RNF144A: variants seen among roughly 807,000 people sequenced by gnomAD.
RNF144A encodes the protein E3 ubiquitin-protein ligase RNF144A.
A neutral mutation model predicts 38.7 loss-of-function variants in RNF144A; 11 were observed. The observed-to-expected ratio is 0.28, with a 90% CI of 0.18 to 0.47. RNF144A has a LOEUF of 0.47. Among genes scored for constraint, RNF144A ranks in the 20% least tolerant of loss-of-function variants. The pLI, the probability that RNF144A is intolerant of heterozygous loss-of-function variation, is 0.99. For missense variants in RNF144A, 316 were observed against 377.2 expected, an observed-to-expected ratio of 0.84 and a Z score of 1.34; for synonymous variants, 149 against 143.9, an observed-to-expected ratio of 1.04 and a Z score of -0.25.
chr2:7,018,754 AG>A (rs1247035222), intron 5 of RNF144A, among the ~76,000 whole-genome samples: 1 of 152,246 alleles, frequency 6.6e-6, no homozygotes, highest in East Asian at 1.9e-4. Flanking sequence ...TGGGGATTTT[AG>A]ATTATTATAA....
intron 2 of RNF144A, among the ~76,000 whole-genome samples, chr2:6,956,719 A>G (rs919127188): frequency 6.6e-6 from 1 of 152,142 alleles, no homozygotes; most frequent in Non-Finnish European, 1.5e-5. Flanking sequence ...GCTCAGCTTC[A>G]ATGTGAGAAC....
intron 8 of RNF144A, among the ~76,000 whole-genome samples, chr2:7,033,725 A>G (rs1014258970): frequency 6.6e-6 from 1 of 152,204 alleles, no homozygotes; most frequent in Non-Finnish European, 1.5e-5. Flanking sequence ...CACTCTGGTC[A>G]TAGCCCAGTG....
chr2:6,946,768 TAAAC>T (rs1020961377), intron 2 of RNF144A, among the ~76,000 whole-genome samples: 5 of 152,164 alleles, frequency 3.3e-5, no homozygotes, highest in African/African-American at 1.2e-4. Context: ...TATATTGACT[TAAAC>T]AAAGTGCCTC....
intron 1 of RNF144A, among the ~76,000 whole-genome samples, chr2:6,924,954 G>A (rs964855718): frequency 1.3e-5 from 2 of 152,226 alleles, no homozygotes; most frequent in African/African-American, 4.8e-5. Context: ...TGGGCTTCCA[G>A]AGACCTTGGG....
chr2:7,028,732 G>C (rs1462078347), intron 7 of RNF144A, among the ~76,000 whole-genome samples: 1 of 152,220 alleles, frequency 6.6e-6, no homozygotes, highest in African/African-American at 2.4e-5. Flanking sequence ...AGAGCTCACA[G>C]TGATGGAAGT....
chr2:6,921,324 C>T (rs181873443), intron 1 of RNF144A, among the ~76,000 whole-genome samples: 4 of 152,342 alleles, frequency 2.6e-5, no homozygotes, highest in South Asian at 2.1e-4. Flanking sequence ...CAAAAGCAAG[C>T]TCCTTGGTGG....
In RNF144A at chr2:6,917,871, TCCTGC is replaced by T. The variant is rs1382298844; in HGVS notation, c.-212+261_-212+265del. 2.6e-5 allele frequency among the ~76,000 whole-genome samples: 4 copies of T among 151,010 alleles called. No homozygotes were observed. The highest frequency in any genetic ancestry group is 4.4e-5 in the Non-Finnish European group (3 of 67,658). Reference sequence around the variant, plus strand: ...GTCCCTGACCTCGTCCCTGCTCTGCTCCTGCCCTGCCCTGCCTCTCGCAGGCGGCG... The same window carrying T: ...GTCCCTGACCTCGTCCCTGCTCTGCTCCTGCCCTGCCTCTCGCAGGCGGCG... On this transcript the variant is annotated intron_variant, in intron 1 of 8. Coordinates refer to ENST00000320892, the MANE Select transcript of RNF144A (RefSeq NM_014746.6). This position sits in a 1 kb window ranked among gnomAD's most constrained non-coding sequence, Gnocchi z 4.8.
intron 1 of RNF144A, among the ~76,000 whole-genome samples, chr2:6,926,666 C>T (rs971006249): frequency 6.6e-6 from 1 of 152,226 alleles, no homozygotes; most frequent in African/African-American, 2.4e-5. Flanking sequence ...ACTCGGCACA[C>T]AGGCTTCTCA....
At chr2:6,945,523 G>A (rs575234427) in intron 2 of RNF144A, among the ~76,000 whole-genome samples, 1 of 152,172 alleles carries the variant, frequency 6.6e-6, no homozygotes, top group Admixed American at 6.5e-5. Context: ...TGCCAAATTG[G>A]AGGGAGACGG....
intron 3 of RNF144A, among the ~76,000 whole-genome samples, chr2:7,009,838 C>T (rs1324227760): frequency 6.6e-6 from 1 of 152,152 alleles, no homozygotes; most frequent in South Asian, 2.1e-4. Flanking sequence ...GTGTAGCTAG[C>T]ACACCTCTGT....
At chr2:6,930,258 G>C (rs1665118120) in intron 1 of RNF144A, among the ~76,000 whole-genome samples, 1 of 152,168 alleles carries the variant, frequency 6.6e-6, no homozygotes, top group African/African-American at 2.4e-5. Context: ...ATATTATTAA[G>C]TGAAAACAAT....
intron 1 of RNF144A, among the ~76,000 whole-genome samples, chr2:6,930,292 G>C (rs1665119875): frequency 6.6e-6 from 1 of 152,198 alleles, no homozygotes; most frequent in South Asian, 2.1e-4. Context: ...TGTGCAGTTT[G>C]ATGTACAAAC....
intron 6 of RNF144A, among the ~76,000 whole-genome samples, chr2:7,023,704 C>T (rs111491685): frequency 1.2e-4 from 18 of 152,216 alleles, no homozygotes; most frequent in South Asian, 2.1e-4. Context: ...CTGCACCCTG[C>T]GCTGTGCTCT....
At position 7,039,757 on chromosome 2, in the gene RNF144A, C is replaced by T; in HGVS notation, c.876C>T (p.Thr292=). 1 of 1,613,126 alleles carries T rather than the reference C, an allele frequency of 6.2e-7. No individual in the cohort carries two copies. The highest frequency in any genetic ancestry group is 2.2e-5 in the East Asian group (1 of 44,862). Residue 292 remains threonine (T), a synonymous_variant, in exon 9 of 9, where the codon ACC becomes ACT. Transcript: ENST00000320892. ...AAGGTGACGACGACCCGTTACCCAC[C>T]TAGAGGAAGCGCGATGCTGGAACAC... ...CSKGDDDPLP[T] is the part of the protein sequence containing the mutation.
At position 7,036,600 on chromosome 2, in the gene RNF144A, T is replaced by C. The variant is rs147050231; in HGVS notation, c.748-3029T>C. On this transcript the variant is annotated intron_variant, in intron 8 of 8. Coordinates refer to ENST00000320892, the MANE Select transcript of RNF144A (RefSeq NM_014746.6). ...AAGCTCTGTCTGTTTTAAACAAATA[T>C]TGGACCTCTGGAATAGCTTTTTGGG... Among the ~76,000 whole-genome samples the C allele has an allele frequency of 4.3e-4, 65 of 152,322 alleles. No individual in the cohort carries two copies. In the Middle Eastern group the frequency reaches 0.01, roughly 24 times the overall value.
chr2:7,063,978 G>A (rs1483538282), intron 6 of RNF144A, among the ~76,000 whole-genome samples: 1 of 152,194 alleles, frequency 6.6e-6, no homozygotes, highest in African/African-American at 2.4e-5. Context: ...AGCATCTGTT[G>A]AGGGTACCCA....
intron 2 of RNF144A, among the ~76,000 whole-genome samples, chr2:6,989,053 G>C (rs72781753): frequency 0.047 from 7,139 of 152,152 alleles, 214 homozygotes; most frequent in Non-Finnish European, 0.071. Flanking sequence ...GTGAACCCTA[G>C]TTTCGGTAAC....
At chr2:6,937,717 G>A (rs887655101) in intron 1 of RNF144A, among the ~76,000 whole-genome samples, 2 of 152,158 alleles carry the variant, frequency 1.3e-5, no homozygotes, top group Non-Finnish European at 2.9e-5. Context: ...CTTTCTGGAG[G>A]GGAGAGGCTT....
intron 2 of RNF144A, among the ~76,000 whole-genome samples, chr2:6,953,370 A>C (rs1666807302): frequency 6.6e-6 from 1 of 152,194 alleles, no homozygotes; most frequent in Non-Finnish European, 1.5e-5. Flanking sequence ...TGGAGGTTGC[A>C]GTGAGCCAAG....
Sources: allele counts gnomAD v4.1 joint callset (sites outside exome capture counted in the v4.1 genomes callset), GRCh38; gene constraint gnomAD v4.1.1; non-coding constraint Gnocchi (gnomAD v3.1); transcripts MANE v1.5; gene names NCBI Gene and HGNC (gene_info 2026-07-23, HGNC 2026-07-21).